EPHA5: variants seen among roughly 807,000 people sequenced by gnomAD.
EPHA5 encodes ephrin type-A receptor 5.
A neutral mutation model predicts 105.0 loss-of-function variants in EPHA5; 60 were observed. The observed-to-expected ratio is 0.57, with a 90% CI of 0.46 to 0.71. The LOEUF is 0.71. Ranked by LOEUF, EPHA5 falls within the 30% of genes least tolerant of loss-of-function variation. EPHA5 has a pLI of 0.00. For synonymous variants in EPHA5, 513 were observed against 449.1 expected (o/e 1.14, Z -1.80); for missense variants, 1,218 against 1,274.7 (o/e 0.96, Z 0.68).
intron 3 of EPHA5, among the ~76,000 whole-genome samples, chr4:65,566,288 A>T (rs1218019818): frequency 7.2e-5 from 11 of 151,802 alleles, no homozygotes; most frequent in African/African-American, 2.7e-4. Context: ...TAGCAAACAC[A>T]CAATTCTCTC....
intron 1 of EPHA5, among the ~76,000 whole-genome samples, chr4:65,651,983 G>A (rs2149530213): frequency 6.6e-6 from 1 of 152,194 alleles, no homozygotes; most frequent in East Asian, 1.9e-4. Context: ...CATGAAAAGA[G>A]CAACACCATA....
chr4:65,517,948 C>T (rs910761622), intron 3 of EPHA5, among the ~76,000 whole-genome samples: 2 of 151,712 alleles, frequency 1.3e-5, no homozygotes, highest in Non-Finnish European at 2.9e-5. Context: ...TGTTTAACAC[C>T]TCAAAATAAT....
intron 3 of EPHA5, among the ~76,000 whole-genome samples, chr4:65,555,603 T>C (rs1738358038): frequency 7.1e-6 from 1 of 141,074 alleles, no homozygotes; most frequent in Non-Finnish European, 1.5e-5. Flanking sequence ...TTACTAGTTT[T>C]GTTTTCTTTT....
rs182087001 is a variant in EPHA5 at position 65,518,794 on chromosome 4, A to G, written c.911-23251T>C. Among the ~76,000 whole-genome samples the G allele has an allele frequency of 5.6e-3, 854 of 152,218 alleles. 4 individuals carry two copies. Among genetic ancestry groups the G allele is most frequent in the Middle Eastern group, 0.01 (3 of 294 alleles). ...AAGTTGAATCCCTGAGTACAACAAT[A>G]ACAGGCTCTGAAATTGAGGCAATAA... is the stretch of plus-strand genomic sequence containing the variant. On this transcript the variant is annotated intron_variant, in intron 3 of 16. Coordinates refer to ENST00000613740, the MANE Select transcript of EPHA5 (RefSeq NM_001281766.3).
chr4:65,425,390 T>A (rs4377641), intron 5 of EPHA5, among the ~76,000 whole-genome samples: 1 of 151,984 alleles, frequency 6.6e-6, no homozygotes, highest in Non-Finnish European at 1.5e-5. Flanking sequence ...TTCTTATTAA[T>A]GAAGCAGGTC....
chr4:65,378,461 A>G (rs1041350934), intron 8 of EPHA5, among the ~76,000 whole-genome samples: 2 of 151,956 alleles, frequency 1.3e-5, no homozygotes, highest in Admixed American at 1.3e-4. Flanking sequence ...TCCAACAATT[A>G]CTAAAATTTT....
At chr4:65,448,283 A>T (rs927915226) in intron 5 of EPHA5, among the ~76,000 whole-genome samples, 3 of 151,962 alleles carry the variant, frequency 2.0e-5, no homozygotes, top group Non-Finnish European at 4.4e-5. Context: ...GGACAGAAAA[A>T]ATCACAGACA....
chr4:65,454,912 C>T (rs1404952937), intron 5 of EPHA5, among the ~76,000 whole-genome samples: 2 of 152,108 alleles, frequency 1.3e-5, no homozygotes, highest in Non-Finnish European at 1.5e-5. Flanking sequence ...TCACCTCTGA[C>T]TCTCTCTCTT....
At chr4:65,533,114 G>A in intron 3 of EPHA5, among the ~76,000 whole-genome samples, 1 of 151,586 alleles carries the variant, frequency 6.6e-6, no homozygotes, top group African/African-American at 2.4e-5. Context: ...TTCTAATCCA[G>A]GTCCTCATTC....
intron 7 of EPHA5, among the ~76,000 whole-genome samples, chr4:65,405,708 T>C (rs1473885358): frequency 6.6e-6 from 1 of 152,130 alleles, no homozygotes; most frequent in Non-Finnish European, 1.5e-5. Context: ...TTGCATAATA[T>C]ATACAATAGT....
chr4:65,477,495 C>T (rs1445503818), intron 5 of EPHA5, among the ~76,000 whole-genome samples: 1 of 151,984 alleles, frequency 6.6e-6, no homozygotes, highest in East Asian at 1.9e-4. Context: ...TCAGTGAAAC[C>T]TCTGCCTCCC....
intron 3 of EPHA5, among the ~76,000 whole-genome samples, chr4:65,519,358 G>C (rs1317716511): frequency 1.3e-5 from 2 of 151,904 alleles, no homozygotes; most frequent in Admixed American, 1.3e-4. Flanking sequence ...CAATAAATTA[G>C]GTATTGATAG....
intron 2 of EPHA5, among the ~76,000 whole-genome samples, chr4:65,620,503 G>C (rs1370155615): frequency 6.6e-6 from 1 of 152,038 alleles, no homozygotes; most frequent in Non-Finnish European, 1.5e-5. Context: ...TTGAGAGAAG[G>C]GGGAAATATA....
At chr4:65,464,971 G>C (rs1275671021) in intron 5 of EPHA5, among the ~76,000 whole-genome samples, 2 of 151,874 alleles carry the variant, frequency 1.3e-5, no homozygotes, top group African/African-American at 4.8e-5. Context: ...TGTTCTCAAA[G>C]AGCTTATAGC....
At chr4:65,465,724 T>C (rs1413380828) in intron 5 of EPHA5, among the ~76,000 whole-genome samples, 1 of 152,140 alleles carries the variant, frequency 6.6e-6, no homozygotes, top group Non-Finnish European at 1.5e-5. Flanking sequence ...TCTTTCAATA[T>C]GAGATAGCAG....
chr4:65,460,039 C>T (rs1004792358), intron 5 of EPHA5, among the ~76,000 whole-genome samples: 12 of 151,504 alleles, frequency 7.9e-5, no homozygotes, highest in South Asian at 2.1e-4. Context: ...TGAATCTCGA[C>T]GTGAGAAACT....
intron 15 of EPHA5, among the ~76,000 whole-genome samples, chr4:65,333,522 CGTGTGAGAGTGTGTGTCTGT>C (rs1720858901): frequency 8.0e-6 from 1 of 125,102 alleles, no homozygotes; most frequent in South Asian, 2.8e-4. Flanking sequence ...TGTGCGTGTG[CGTGTGAGAGTGTGTGTCTGT>C]GTGTGTGTGT....
chr4:65,597,537 T>C (rs1360455506), intron 3 of EPHA5, among the ~76,000 whole-genome samples: 1 of 151,038 alleles, frequency 6.6e-6, no homozygotes, highest in African/African-American at 2.4e-5. Flanking sequence ...AAATAACAAG[T>C]GGGGAAACAT....
At chr4:65,589,328 C>T (rs1742417839) in intron 3 of EPHA5, among the ~76,000 whole-genome samples, 1 of 151,864 alleles carries the variant, frequency 6.6e-6, no homozygotes, top group Admixed American at 6.6e-5. Context: ...AAGACTGAAG[C>T]CCTCCTCAAA....
Sources: allele counts gnomAD v4.1 joint callset (sites outside exome capture counted in the v4.1 genomes callset), GRCh38; gene constraint gnomAD v4.1.1; transcripts MANE v1.5; gene names NCBI Gene and HGNC (gene_info 2026-07-23, HGNC 2026-07-21).